The following CCDC106 variants were observed in gnomAD, a reference collection of about 807,000 sequenced individuals.
The protein encoded by CCDC106 is coiled-coil domain-containing protein 106.
A neutral mutation model predicts 24.7 loss-of-function variants in CCDC106; 17 were observed. The observed-to-expected ratio is 0.69, with a 90% CI of 0.47 to 1.03. CCDC106 has a LOEUF of 1.03. CCDC106 is among the 50% of genes least tolerant of loss of function. The pLI, the probability that CCDC106 is intolerant of heterozygous loss-of-function variation, is 0.00. For missense variants in CCDC106, 337 were observed against 388.9 expected (o/e 0.87, Z 1.12); for synonymous variants, 211 against 161.3 (o/e 1.31, Z -2.34).
Position 55,652,757 on chromosome 19 carries a change from C to A in CCDC106, c.*11C>A. ...CGCTTCAAGCGGTGATCGCACCACG[C>A]CTCCGCGCCTCCACCCGGGCCTTCC... On this transcript the variant is annotated 3_prime_UTR_variant, in exon 5 of 5. Coordinates refer to ENST00000586790, the MANE Select transcript of CCDC106 (RefSeq NM_001370470.1). The surrounding 1 kb of genome is among the most constrained non-coding windows in gnomAD (Gnocchi z 5.9). 6.3e-7 allele frequency: 1 copy of A among 1,594,582 alleles called. No homozygotes were observed. Among genetic ancestry groups the A allele is most frequent in the Non-Finnish European group, 8.6e-7 (1 of 1,168,426 alleles).
At chr19:55,649,657 C>G (rs1983110732) in intron 3 of CCDC106, 73 bp downstream of exon 3, 1 of 1,442,880 alleles carries the variant, frequency 6.9e-7, no homozygotes. Context: ...AGACTCAAGG[C>G]TCCACTGTTT....
Position 55,648,588 on chromosome 19 carries a change from A to C in CCDC106, c.-459A>C. ...GCGCGCACGGGCTGGACCTCCTCCT[A>C]CCCTGGGAAGTTGGGGCAGTTTCCC... is the stretch of plus-strand genomic sequence containing the variant. On this transcript the variant is annotated 5_prime_UTR_variant, in exon 1 of 5. Coordinates refer to ENST00000586790, the MANE Select transcript of CCDC106 (RefSeq NM_001370470.1). 5.4e-6 allele frequency: 1 copy of C among 185,754 alleles called. No homozygotes were observed. Among genetic ancestry groups the C allele is most frequent in the East Asian group, 1.5e-4 (1 of 6,808 alleles). 11.5% of individuals were successfully genotyped at this position (185,754 alleles called of 1,614,324 possible). A position where few individuals can be genotyped will look rare whatever the true frequency, so the allele number is the denominator to read the frequency against.
intron 3 of CCDC106, among the ~76,000 whole-genome samples, chr19:55,650,029 G>A (rs995360672): frequency 2.6e-5 from 4 of 152,152 alleles, no homozygotes; most frequent in Non-Finnish European, 4.4e-5. Flanking sequence ...AGATCCAAGA[G>A]TCCAGCCATC....
In CCDC106 at chr19:55,652,308, G is replaced by A. The variant is rs1410585761; in HGVS notation, c.527-122G>A. 4.0e-5 allele frequency: 31 copies of A among 784,594 alleles called. No individual in the cohort carries two copies. The highest frequency in any genetic ancestry group is 8.1e-5 in the Admixed American group (3 of 37,016). The allele number at this position is 784,594 out of a possible 1,614,324, so 48.6% of individuals were successfully genotyped here. A position where few individuals can be genotyped will look rare whatever the true frequency, so the allele number is the denominator to read the frequency against. Reference sequence around the variant, plus strand: ...TGCCTGTTGTTCTCCGTCTCCACCTGCACCGGCCCGTGCCTCTGCTCGCCG... The same window carrying A: ...TGCCTGTTGTTCTCCGTCTCCACCTACACCGGCCCGTGCCTCTGCTCGCCG... On this transcript the variant is annotated intron_variant, in intron 4 of 4. Coordinates refer to ENST00000586790, the MANE Select transcript of CCDC106 (RefSeq NM_001370470.1). This position sits in a 1 kb window ranked among gnomAD's most constrained non-coding sequence, Gnocchi z 5.9.
intron 2 of CCDC106, 31 bp from the exon 3 acceptor site, chr19:55,649,377 C>T: frequency 6.2e-7 from 1 of 1,613,364 alleles, no homozygotes. Flanking sequence ...CAGGGTGTGA[C>T]CTGGTCCCCC....
intron 3 of CCDC106, among the ~76,000 whole-genome samples, chr19:55,650,637 C>G (rs566521227): frequency 6.6e-6 from 1 of 152,336 alleles, no homozygotes; most frequent in South Asian, 2.1e-4. Context: ...CGGGAACAAA[C>G]CACCTCTGGC....
intron 3 of CCDC106, among the ~76,000 whole-genome samples, chr19:55,650,415 G>A (rs1397653599): frequency 2.6e-5 from 4 of 152,074 alleles, no homozygotes; most frequent in East Asian, 1.9e-4. Flanking sequence ...CCGTTTGCCC[G>A]ACAGCCCATG....
At position 55,649,190 on chromosome 19, in the gene CCDC106, G is replaced by C; in HGVS notation, c.32-15G>C. 1 of 1,612,172 alleles carries C rather than the reference G, an allele frequency of 6.2e-7. No individual in the cohort carries two copies. The highest frequency in any genetic ancestry group is 1.3e-5 in the African/African-American group (1 of 74,990). On this transcript the variant is annotated splice_polypyrimidine_tract_variant and intron_variant, in intron 1 of 4. Transcript: ENST00000586790. ...GGGGAATTCTCTGGGGTAACCCGGG[G>C]CCTCTCCTCTCCAGTGAAGGACGAT...
In CCDC106 at chr19:55,649,059, A is replaced by G; in HGVS notation, c.13A>G (p.Ser5Gly). ...AGGAAGCCGCGCCATGAATGACCGG[A>G]GCAGTCGGAGGCGGACAAGTGAGGA... The part of the protein sequence containing the change: MNDR[S>G]SRRRTMKDDE... Residue 5 changes from serine (S) to glycine (G), a missense_variant, in exon 1 of 5, where the codon AGC becomes GGC. Ser to Gly is a moderately conservative substitution (Grantham distance 56). Around this residue, in one of 2 missense-constraint regions of CCDC106, gnomAD observed 234 missense variants for 236.5 expected, o/e 0.99. Coordinates refer to ENST00000586790, the MANE Select transcript of CCDC106 (RefSeq NM_001370470.1). 1 of 1,613,544 alleles carries G rather than the reference A, an allele frequency of 6.2e-7. No homozygotes were observed. Among genetic ancestry groups the G allele is most frequent in the Non-Finnish European group, 8.5e-7 (1 of 1,180,004 alleles).
chr19:55,648,227 C>CCGGGCATGGGCGCCGCCGCCGT lies in CCDC106; in HGVS notation c.-816_-795dup, dbSNP rs1292622583. 1.3e-5 allele frequency: 2 copies of CCGGGCATGGGCGCCGCCGCCGT among 152,146 alleles called. No individual in the cohort carries two copies. Among genetic ancestry groups the CCGGGCATGGGCGCCGCCGCCGT allele is most frequent in the Non-Finnish European group, 1.5e-5 (1 of 67,998 alleles). The allele number at this position is 152,146 out of a possible 1,614,324, so 9.4% of individuals were successfully genotyped here. A position where few individuals can be genotyped will look rare whatever the true frequency, so the allele number is the denominator to read the frequency against. On this transcript the variant is annotated 5_prime_UTR_variant, in exon 1 of 5. It adds an upstream start codon to the 5' untranslated region. Transcript: ENST00000586790. ...GACACTTTGCAGACGCTCCCCGGCG[C>CCGGGCATGGGCGCCGCCGCCGT]CGGGCATGGGCGCCGCCGCCGTCGG...
rs933181542 is a variant in CCDC106 at position 55,653,066 on chromosome 19, C to G, written c.*320C>G. On this transcript the variant is annotated 3_prime_UTR_variant, in exon 5 of 5. Coordinates refer to ENST00000586790, the MANE Select transcript of CCDC106 (RefSeq NM_001370470.1). ...CGCCCTGGCCCCGCGGAGGAGCTGC[C>G]CACCTGATTCCCGGACAGACCTCCC... is the stretch of plus-strand genomic sequence containing the variant. 2.6e-5 allele frequency: 8 copies of G among 311,890 alleles called. No homozygotes were observed. The highest frequency in any genetic ancestry group is 3.6e-5 in the Non-Finnish European group (6 of 168,870). The allele number at this position is 311,890 out of a possible 1,614,324, so 19.3% of individuals were successfully genotyped here. A position where few individuals can be genotyped will look rare whatever the true frequency, so the allele number is the denominator to read the frequency against.
chr19:55,651,494 A>T lies in CCDC106; in HGVS notation c.525A>T (p.Arg175=). The change falls in exon 4 of 5, where the codon CGA becomes CGT. Residue 175 remains arginine, a splice_region_variant and synonymous_variant. Coordinates refer to ENST00000586790, the MANE Select transcript of CCDC106 (RefSeq NM_001370470.1). Reference sequence around the variant, plus strand: ...AGCCCAAGGCCCGGGAGAGGCAGCGAGGTGAGTGGGGTGCATGGGGCGGGC... The same window carrying T: ...AGCCCAAGGCCCGGGAGAGGCAGCGTGGTGAGTGGGGTGCATGGGGCGGGC... ...FGKPKARERQ[R]VKDADGVLCR... 1 of 1,564,488 alleles carries T rather than the reference A, an allele frequency of 6.4e-7. No individual in the cohort carries two copies. Among genetic ancestry groups the T allele is most frequent in the Non-Finnish European group, 8.7e-7 (1 of 1,155,632 alleles).
chr19:55,651,897 C>T (rs1222135933), intron 4 of CCDC106, among the ~76,000 whole-genome samples: 1 of 152,220 alleles, frequency 6.6e-6, no homozygotes, highest in Non-Finnish European at 1.5e-5. Flanking sequence ...CTCCTGCCCT[C>T]GTGATCCACC....
intron 3 of CCDC106, 177 bp downstream of exon 3, chr19:55,649,761 A>G (rs1983118417): frequency 1.6e-6 from 1 of 614,356 alleles, no homozygotes; most frequent in Non-Finnish European, 2.9e-6. Flanking sequence ...ACTTGATTCC[A>G]GGGCCTCATC....
rs1470558701 is a variant in CCDC106, at chr19:55,651,468, A to G, written c.499A>G (p.Lys167Glu). The change falls in exon 4 of 5, where the codon AAG becomes GAG. Residue 167 changes from lysine to glutamate, a missense_variant. Physicochemically the swap from Lys to Glu is moderately conservative, Grantham distance 56. Coordinates refer to ENST00000586790, the MANE Select transcript of CCDC106 (RefSeq NM_001370470.1). Reference sequence around the variant, plus strand: ...AGGTGCTAGTCGGAGGCGCTTTGGGAAGCCCAAGGCCCGGGAGAGGCAGCG... The same window carrying G: ...AGGTGCTAGTCGGAGGCGCTTTGGGGAGCCCAAGGCCCGGGAGAGGCAGCG... ...KGGASRRRFG[K>E]PKARERQRVK... 6.3e-7 allele frequency: 1 copy of G among 1,592,310 alleles called. No homozygotes were observed. The highest frequency in any genetic ancestry group is 2.3e-5 in the East Asian group (1 of 44,238).
chr19:55,651,335 T>G lies in CCDC106; in HGVS notation c.366T>G (p.Arg122=). The change falls in exon 4 of 5, where the codon CGT becomes CGG. Residue 122 remains arginine (R), a synonymous_variant. Coordinates refer to ENST00000586790, the MANE Select transcript of CCDC106 (RefSeq NM_001370470.1). Reference sequence around the variant, plus strand: ...CCAGGCGGATGGAGGGGGACAGCCGTGGTGGGGCTGGGGGCGAGGCCTCGG... The same window carrying G: ...CCAGGCGGATGGAGGGGGACAGCCGGGGTGGGGCTGGGGGCGAGGCCTCGG... ...PGPRRMEGDS[R]GGAGGEASDP... is the part of the protein sequence containing the mutation. 1 of 1,613,242 alleles carries G rather than the reference T, an allele frequency of 6.2e-7. No individual in the cohort carries two copies. The highest frequency in any genetic ancestry group is 8.5e-7 in the Non-Finnish European group (1 of 1,179,810).
chr19:55,651,828 A>T (rs1185199797), intron 4 of CCDC106, among the ~76,000 whole-genome samples: 1 of 151,790 alleles, frequency 6.6e-6, no homozygotes, highest in Non-Finnish European at 1.5e-5. Flanking sequence ...CGCCTGGCTA[A>T]TTTTTTGTAT....
At chr19:55,647,715 C>T (rs1982954189), upstream of CCDC106, among the ~76,000 whole-genome samples, 1 of 152,168 alleles carries the variant, frequency 6.6e-6, no homozygotes, top group African/African-American at 2.4e-5. Context: ...GGGTAACTCC[C>T]CCGATTTTGG....
At position 55,651,487 on chromosome 19, in the gene CCDC106, G is replaced by GGC; in HGVS notation, c.519_520dup (p.Gln174ArgfsTer4). On this transcript the variant is annotated frameshift_variant, in exon 4 of 5. Coordinates refer to ENST00000586790, the MANE Select transcript of CCDC106 (RefSeq NM_001370470.1). LOFTEE classifies it high-confidence loss of function. Reference sequence around the variant, plus strand: ...TTTGGGAAGCCCAAGGCCCGGGAGAGGCAGCGAGGTGAGTGGGGTGCATGG... The same window carrying GGC: ...TTTGGGAAGCCCAAGGCCCGGGAGAGGCGCAGCGAGGTGAGTGGGGTGCATGG... The GGC allele has an allele frequency of 6.4e-7, 1 of 1,573,010 alleles. No individual in the cohort carries two copies.
Sources: allele counts gnomAD v4.1 joint callset (sites outside exome capture counted in the v4.1 genomes callset), GRCh38; gene constraint gnomAD v4.1.1; regional missense constraint gnomAD v4.1.1; non-coding constraint Gnocchi (gnomAD v3.1); transcripts MANE v1.5; gene names NCBI Gene and HGNC (gene_info 2026-07-23, HGNC 2026-07-21).